Variants in ATG7 observed in about 807,000 individuals in gnomAD.
ATG7 encodes the protein ubiquitin-like modifier-activating enzyme ATG7.
Under a neutral mutation model 82.4 loss-of-function variants are expected in ATG7, and 70 were observed. That is an observed-to-expected ratio of 0.85 (90% CI 0.70 to 1.04). ATG7 has a LOEUF of 1.04. Among genes scored for constraint, ATG7 ranks in the 50% least tolerant of loss-of-function variants. ATG7 has a pLI of 0.00. For missense variants in ATG7, 792 were observed against 864.3 expected (o/e 0.92, Z 1.05); for synonymous variants, 287 against 313.0 (o/e 0.92, Z 0.88).
At chr3:11,453,425 C>T (rs1222469392) in intron 20 of ATG7, among the ~76,000 whole-genome samples, 4 of 152,190 alleles carry the variant, frequency 2.6e-5, no homozygotes. Flanking sequence ...CCCGCCGTGG[C>T]TGTCCCTGCA....
intron 5 of ATG7, among the ~76,000 whole-genome samples, chr3:11,303,145 G>A (rs1232897937): frequency 6.6e-6 from 1 of 152,174 alleles, no homozygotes; most frequent in Non-Finnish European, 1.5e-5. Context: ...CAGCCAAGGT[G>A]CAAACAGGTG....
intron 20 of ATG7, among the ~76,000 whole-genome samples, chr3:11,472,229 T>C (rs1422513853): frequency 1.3e-5 from 2 of 152,204 alleles, no homozygotes; most frequent in Non-Finnish European, 2.9e-5. Context: ...TAGCAAACTT[T>C]CCATCTCCCC....
chr3:11,534,818 C>A (rs2092759347), intron 20 of ATG7, among the ~76,000 whole-genome samples: 2 of 152,234 alleles, frequency 1.3e-5, no homozygotes, highest in Non-Finnish European at 2.9e-5. Context: ...CACAGCACCC[C>A]TTCTACCCTA....
chr3:11,491,958 G>T lies in ATG7; in HGVS notation c.2080-62853G>T, dbSNP rs575128290. On this transcript the variant is annotated intron_variant, in intron 20 of 20. Transcript: ENST00000693202. ...CCCAGAGGTGGAGCCTACAGAGGCA[G>T]GTAGGCCTCCTTGAGCTGTGGTGGG... is the stretch of plus-strand genomic sequence containing the variant. 1.9e-3 allele frequency among the ~76,000 whole-genome samples: 283 copies of T among 152,314 alleles called. 2 individuals are homozygous for T. Among genetic ancestry groups the T allele is most frequent in the African/African-American group, 5.9e-3 (245 of 41,578 alleles).
intron 17 of ATG7, 54 bp downstream of exon 17, chr3:11,362,982 T>C: frequency 6.8e-7 from 1 of 1,464,512 alleles, no homozygotes; most frequent in Non-Finnish European, 9.4e-7. Flanking sequence ...TAGGCAGTTG[T>C]TCATCAGTGT....
intron 20 of ATG7, among the ~76,000 whole-genome samples, chr3:11,500,331 A>G (rs2091229644): frequency 1.3e-5 from 2 of 152,250 alleles, no homozygotes; most frequent in Admixed American, 1.3e-4. Context: ...TAATGTATTA[A>G]TTGATGAACC....
chr3:11,303,802 C>T (rs966314914), intron 5 of ATG7, among the ~76,000 whole-genome samples: 58 of 149,608 alleles, frequency 3.9e-4, no homozygotes, highest in Non-Finnish European at 7.0e-4. Flanking sequence ...CGGCCGGGCG[C>T]GGTGGCTCAC....
chr3:11,511,870 G>GGGCT (rs1177068351), intron 20 of ATG7, among the ~76,000 whole-genome samples: 13 of 152,304 alleles, frequency 8.5e-5, no homozygotes, highest in South Asian at 2.1e-4. Flanking sequence ...GGGGCCAGCA[G>GGGCT]GGCTGGCTGG....
intron 20 of ATG7, among the ~76,000 whole-genome samples, chr3:11,494,563 C>T (rs2090659614): frequency 6.6e-6 from 1 of 152,158 alleles, no homozygotes; most frequent in Non-Finnish European, 1.5e-5. Flanking sequence ...GAAGGCAAAG[C>T]TAGGATTAGG....
chr3:11,376,762 G>C (rs1360033123), intron 18 of ATG7, among the ~76,000 whole-genome samples: 1 of 151,950 alleles, frequency 6.6e-6, no homozygotes, highest in African/African-American at 2.4e-5. Flanking sequence ...TTTTTGAGAC[G>C]GAGTCTTGCT....
the ATG7 span, among the ~76,000 whole-genome samples, chr3:11,570,319 C>T: frequency 1.3e-5 from 2 of 152,190 alleles, no homozygotes; most frequent in African/African-American, 4.8e-5. Flanking sequence ...TTTCCACCCA[C>T]CTTCCTGCCC....
In ATG7 at chr3:11,396,641, G is replaced by T. The variant is rs116382199; in HGVS notation, c.1956+16589G>T. On this transcript the variant is annotated intron_variant, in intron 19 of 20. Transcript: ENST00000693202. ...AAAATACAAACTAAAGTTTAGCCGG[G>T]CATGGTGGCAGACACCTGTAATTCC... 9.4e-3 allele frequency among the ~76,000 whole-genome samples: 1,437 copies of T among 152,146 alleles called. 26 individuals carry two copies. The highest frequency in any genetic ancestry group is 0.033 in the African/African-American group (1,373 of 41,496).
At chr3:11,331,723 G>A (rs539741284) in intron 10 of ATG7, among the ~76,000 whole-genome samples, 10 of 152,278 alleles carry the variant, frequency 6.6e-5, no homozygotes, top group African/African-American at 1.2e-4. Context: ...CCTTCTAGCT[G>A]TCTGGGTTTC....
intron 20 of ATG7, among the ~76,000 whole-genome samples, chr3:11,520,722 C>T (rs1023713531): frequency 3.9e-4 from 59 of 152,320 alleles, no homozygotes; most frequent in African/African-American, 1.3e-3. Flanking sequence ...CACAGTCATT[C>T]TGTGGATCTG....
intron 3 of ATG7, chr3:11,290,344 G>A (rs777369003): frequency 9.3e-5 from 15 of 160,868 alleles, no homozygotes; most frequent in Non-Finnish European, 1.4e-4. Flanking sequence ...ATCCCAGCGC[G>A]GTGATGGAGG....
chr3:11,400,416 TA>T (rs1658042289), intron 19 of ATG7, among the ~76,000 whole-genome samples: 1 of 152,066 alleles, frequency 6.6e-6, no homozygotes, highest in Admixed American at 6.6e-5. Context: ...AGAAAATAAA[TA>T]GGGACTGTGG....
intron 20 of ATG7, among the ~76,000 whole-genome samples, chr3:11,513,503 G>A (rs1278986539): frequency 6.6e-6 from 1 of 152,232 alleles, no homozygotes; most frequent in East Asian, 1.9e-4. Flanking sequence ...GCCCCTCATT[G>A]CCTGGGGCTG....
chr3:11,385,637 C>T (rs932913336), intron 19 of ATG7, among the ~76,000 whole-genome samples: 1 of 152,126 alleles, frequency 6.6e-6, no homozygotes, highest in Non-Finnish European at 1.5e-5. Flanking sequence ...GTTACGGCAT[C>T]CCAATACCAA....
chr3:11,514,682 T>C (rs978375186), intron 20 of ATG7, among the ~76,000 whole-genome samples: 2 of 152,220 alleles, frequency 1.3e-5, no homozygotes, highest in African/African-American at 2.4e-5. Context: ...TGGCCTGATA[T>C]GCATAGCATA....
Sources: allele counts gnomAD v4.1 joint callset (sites outside exome capture counted in the v4.1 genomes callset), GRCh38; gene constraint gnomAD v4.1.1; transcripts MANE v1.5; gene names NCBI Gene and HGNC (gene_info 2026-07-23, HGNC 2026-07-21).